The following SH3KBP1 variants were observed in gnomAD, a reference collection of about 807,000 sequenced individuals.
SH3KBP1 encodes the protein SH3 domain-containing kinase-binding protein 1.
In SH3KBP1, 8 loss-of-function variants were observed where a neutral mutation model predicts 50.1. That is an observed-to-expected ratio of 0.16 (90% confidence interval 0.09 to 0.29). The LOEUF is 0.29. SH3KBP1 is among the 10% of genes least tolerant of loss of function. The probability of loss-of-function intolerance (pLI) is 1.00; values close to 1 mark genes in which losing one functional copy is unlikely to be tolerated. For synonymous variants in SH3KBP1, 227 were observed against 218.6 expected (o/e 1.04, Z -0.34); for missense variants, 377 against 535.2 (o/e 0.70, Z 2.92).
chrX:19,596,239 A>G (rs1353524003), intron 9 of SH3KBP1, among the ~76,000 whole-genome samples: 3 of 112,177 alleles, frequency 2.7e-5, no homozygotes, highest in Admixed American at 9.5e-5. Flanking sequence ...CCACTGCAAT[A>G]AAGCGAGTCA....
At chrX:19,883,848 C>A (rs1162640481) in intron 1 of SH3KBP1, among the ~76,000 whole-genome samples, 1 of 111,547 alleles carries the variant, frequency 9.0e-6, no homozygotes, top group Non-Finnish European at 1.9e-5. Flanking sequence ...TCCAATGTTC[C>A]CTGCTCCTAG....
chrX:19,621,118 A>G (rs1399182021), intron 8 of SH3KBP1, among the ~76,000 whole-genome samples: 1 of 84,213 alleles, frequency 1.2e-5, no homozygotes, highest in Non-Finnish European at 2.2e-5. Context: ...TCTGTTGCCC[A>G]GGCTGGAGTG....
chrX:19,801,905 G>GTC (rs1351883648), intron 2 of SH3KBP1, among the ~76,000 whole-genome samples: 1 of 111,042 alleles, frequency 9.0e-6, no homozygotes, highest in Non-Finnish European at 1.9e-5. Flanking sequence ...GAGAAACCCT[G>GTC]TCTCTACTAA....
chrX:19,708,225 C>T (rs2063697027), intron 3 of SH3KBP1, among the ~76,000 whole-genome samples: 3 of 112,213 alleles, frequency 2.7e-5, no homozygotes, highest in South Asian at 3.7e-4. Context: ...TTTCAAAAGC[C>T]GGCAGCCTAG....
At position 19,565,051 on chromosome X, in the gene SH3KBP1, A is replaced by ATTTTTTTTTTT. The variant is rs59323105; in HGVS notation, c.1384+4041_1384+4051dup. On this transcript the variant is annotated intron_variant, in intron 13 of 17. Transcript: ENST00000397821. Reference sequence around the variant, plus strand: ...TCAGAGAGACCTGGCTTCAACTCCAATTTTTTTTTTTTTTTTTTTTTTTTT... The same window carrying ATTTTTTTTTTT: ...TCAGAGAGACCTGGCTTCAACTCCAATTTTTTTTTTTTTTTTTTTTTTTTTTTTTTTTTTTT... Among the ~76,000 whole-genome samples the ATTTTTTTTTTT allele has an allele frequency of 4.4e-4, 29 of 66,520 alleles. 3 individuals carry two copies. The highest frequency in any genetic ancestry group is 2.0e-3 in the African/African-American group (27 of 13,306). The allele number at this position is 66,520 out of a possible 115,157, so 57.8% of individuals were successfully genotyped here.
chrX:19,795,474 T>G (rs749436471), intron 2 of SH3KBP1, among the ~76,000 whole-genome samples: 4 of 111,657 alleles, frequency 3.6e-5, no homozygotes, highest in Non-Finnish European at 7.5e-5. Flanking sequence ...GTTTCTGTAC[T>G]CAACTACGGG....
intron 2 of SH3KBP1, among the ~76,000 whole-genome samples, chrX:19,774,172 A>G (rs1238247262): frequency 4.5e-5 from 5 of 110,717 alleles, no homozygotes; most frequent in Non-Finnish European, 9.5e-5. Context: ...GTCTTTTTTG[A>G]CTGTCTTTTT....
chrX:19,675,216 G>A (rs972083877), intron 6 of SH3KBP1, among the ~76,000 whole-genome samples: 20 of 111,206 alleles, frequency 1.8e-4, no homozygotes, highest in African/African-American at 6.2e-4. Context: ...TGATTACTAT[G>A]TGCCAGGCAC....
intron 9 of SH3KBP1, among the ~76,000 whole-genome samples, chrX:19,599,248 G>A (rs897172618): frequency 9.0e-6 from 1 of 110,679 alleles, no homozygotes; most frequent in Non-Finnish European, 1.9e-5. Flanking sequence ...ATTTAAAAAC[G>A]ACAATTACAA....
intron 6 of SH3KBP1, among the ~76,000 whole-genome samples, chrX:19,679,405 T>TA (rs200712710): frequency 0.05 from 5,598 of 110,924 alleles, 167 homozygotes; most frequent in Non-Finnish European, 0.077. Context: ...GTAAGATAGG[T>TA]AAAAAAAAGT....
At chrX:19,626,492 C>T (rs1464472005) in intron 8 of SH3KBP1, among the ~76,000 whole-genome samples, 1 of 111,716 alleles carries the variant, frequency 9.0e-6, no homozygotes, top group Non-Finnish European at 1.9e-5. Flanking sequence ...GGATAATCCT[C>T]ATGGTCCAAG....
At chrX:19,812,276 T>C (rs780924920) in intron 2 of SH3KBP1, among the ~76,000 whole-genome samples, 60 of 111,103 alleles carry the variant, frequency 5.4e-4, no homozygotes, top group Admixed American at 8.6e-4. Flanking sequence ...CACAAATAAC[T>C]GTGTGTTTGT....
At chrX:19,584,209 T>TATATATTTATATTTATAAATATATATAA (rs1434723309) in intron 12 of SH3KBP1, among the ~76,000 whole-genome samples, 1 of 94,128 alleles carries the variant, frequency 1.1e-5, no homozygotes, top group African/African-American at 3.9e-5. Flanking sequence ...TATATGTCAA[T>TATATATTTATATTTATAAATATATATAA]ATATATTTAT....
At chrX:19,570,684 G>A (rs775929471) in intron 12 of SH3KBP1, among the ~76,000 whole-genome samples, 2 of 111,884 alleles carry the variant, frequency 1.8e-5, no homozygotes, top group African/African-American at 3.3e-5. Context: ...AGCAGGGCAC[G>A]GTGGCTCACA....
intron 2 of SH3KBP1, among the ~76,000 whole-genome samples, chrX:19,772,114 T>TA (rs1029338136): frequency 5.4e-5 from 6 of 110,745 alleles, no homozygotes; most frequent in East Asian, 2.8e-4. Flanking sequence ...GTTGGTGGTT[T>TA]AAAAAAAAGG....
chrX:19,878,524 G>T (rs9778697), intron 1 of SH3KBP1, among the ~76,000 whole-genome samples: 3 of 104,540 alleles, frequency 2.9e-5, no homozygotes, highest in African/African-American at 1.1e-4. Flanking sequence ...GAGAGAGAGA[G>T]AGAGAGAGAA....
intron 12 of SH3KBP1, among the ~76,000 whole-genome samples, chrX:19,585,032 A>G: frequency 8.9e-6 from 1 of 112,496 alleles, no homozygotes; most frequent in Non-Finnish European, 1.9e-5. Flanking sequence ...AACTTGGCAG[A>G]AGAAAACAAG....
At chrX:19,545,185 T>C (rs111931325) in intron 15 of SH3KBP1, among the ~76,000 whole-genome samples, 2,579 of 112,343 alleles carry the variant, frequency 0.023, 73 homozygotes, top group African/African-American at 0.079. Context: ...AGTTTTCTGC[T>C]TTTAGACAGA....
At position 19,792,424 on chromosome X, in the gene SH3KBP1, C is replaced by T. The variant is rs1393759118; in HGVS notation, c.162+43701G>A. On this transcript the variant is annotated intron_variant, in intron 2 of 17. Coordinates refer to ENST00000397821, the MANE Select transcript of SH3KBP1 (RefSeq NM_031892.3). ...ATATTTTGGCTGATCTCTATTCTAA[C>T]TTTTCTATCAAAACATTTTTAACTG... Among the ~76,000 whole-genome samples, 3 of 111,132 alleles carry T rather than the reference C, an allele frequency of 2.7e-5. No individual in the cohort carries two copies. In the Admixed American group the frequency reaches 2.9e-4, roughly 11 times the overall value.
Sources: allele counts gnomAD v4.1 joint callset (sites outside exome capture counted in the v4.1 genomes callset), GRCh38; gene constraint gnomAD v4.1.1; transcripts MANE v1.5; gene names NCBI Gene and HGNC (gene_info 2026-07-23, HGNC 2026-07-21).